Variants in MYRIP observed in about 807,000 individuals in gnomAD.
MYRIP encodes rab effector MyRIP.
A neutral mutation model predicts 98.0 loss-of-function variants in MYRIP; 49 were observed. The ratio of observed to expected loss-of-function variants is 0.50; its 90% CI spans 0.40 to 0.63. MYRIP has a LOEUF of 0.63. Ranked by LOEUF, MYRIP falls within the 30% of genes least tolerant of loss-of-function variation. The pLI is 0.00. For missense variants in MYRIP, 1,004 were observed against 1,058.2 expected (o/e 0.95, Z 0.71); for synonymous variants, 404 against 409.5 (o/e 0.99, Z 0.16).
chr3:40,056,244 C>G (rs974759533), intron 3 of MYRIP, among the ~76,000 whole-genome samples: 1 of 152,194 alleles, frequency 6.6e-6, no homozygotes, highest in Non-Finnish European at 1.5e-5. Context: ...CCACACATAT[C>G]TTGTGATTCA....
chr3:39,817,999 T>C (rs1009424714), intron 1 of MYRIP, among the ~76,000 whole-genome samples: 2 of 152,198 alleles, frequency 1.3e-5, no homozygotes, highest in Non-Finnish European at 2.9e-5. Flanking sequence ...TTAAAAAACT[T>C]AACAACACAT....
At chr3:39,822,909 A>C (rs1209526962) in intron 1 of MYRIP, among the ~76,000 whole-genome samples, 5 of 148,502 alleles carry the variant, frequency 3.4e-5, no homozygotes, top group Admixed American at 3.4e-4. Flanking sequence ...CCTGGTGTAT[A>C]TATACACCTC....
intron 12 of MYRIP, among the ~76,000 whole-genome samples, chr3:40,242,876 G>A (rs1431642820): frequency 6.6e-6 from 1 of 151,788 alleles, no homozygotes; most frequent in Non-Finnish European, 1.5e-5. Flanking sequence ...CTAAAGGGAA[G>A]TTTTTCAACT....
intron 2 of MYRIP, among the ~76,000 whole-genome samples, chr3:39,947,122 A>C (rs1055003907): frequency 6.6e-6 from 1 of 152,216 alleles, no homozygotes; most frequent in African/African-American, 2.4e-5. Context: ...GCAAATGCTT[A>C]GCTGGAGATA....
At chr3:40,195,860 A>G (rs1163390242) in intron 10 of MYRIP, among the ~76,000 whole-genome samples, 1 of 152,038 alleles carries the variant, frequency 6.6e-6, no homozygotes, top group Middle Eastern at 3.2e-3. Context: ...AGTTTGGGAG[A>G]ATTCACCTTT....
chr3:40,138,611 T>A (rs1347731852), intron 3 of MYRIP, among the ~76,000 whole-genome samples: 1 of 152,224 alleles, frequency 6.6e-6, no homozygotes, highest in Non-Finnish European at 1.5e-5. Flanking sequence ...AGATACTTAA[T>A]GTTTCCCCTT....
intron 2 of MYRIP, among the ~76,000 whole-genome samples, chr3:39,969,202 T>G (rs1412320831): frequency 6.6e-6 from 1 of 152,194 alleles, no homozygotes; most frequent in East Asian, 1.9e-4. Context: ...CTGAAGTTGT[T>G]TATTGGCTGG....
At chr3:39,808,928 GC>G (rs1559481423), upstream of MYRIP, 1 of 152,228 alleles carries the variant, frequency 6.6e-6, no homozygotes, top group East Asian at 1.9e-4. Flanking sequence ...CGGCGGTTCC[GC>G]AGCTGTGTTT....
chr3:39,934,019 T>G (rs1021758773), intron 2 of MYRIP, among the ~76,000 whole-genome samples: 10 of 152,198 alleles, frequency 6.6e-5, no homozygotes, highest in Admixed American at 6.5e-4. Context: ...TTAGACCTGT[T>G]GAATCAGAAA....
intron 2 of MYRIP, among the ~76,000 whole-genome samples, chr3:39,990,346 G>A (rs1946143275): frequency 6.6e-6 from 1 of 152,182 alleles, no homozygotes; most frequent in Non-Finnish European, 1.5e-5. Flanking sequence ...GGATACCTCA[G>A]TTGCTGGTGC....
intron 1 of MYRIP, among the ~76,000 whole-genome samples, chr3:39,814,314 GA>G (rs1449563394): frequency 6.6e-6 from 1 of 152,108 alleles, no homozygotes; most frequent in Non-Finnish European, 1.5e-5. Flanking sequence ...GAGAAGCTTG[GA>G]ATGTATTTTA....
At position 40,167,232 on chromosome 3, in the gene MYRIP, T is replaced by C; in HGVS notation, c.722T>C (p.Leu241Pro). The C allele has an allele frequency of 6.2e-7, 1 of 1,614,142 alleles. No homozygotes were observed. The highest frequency in any genetic ancestry group is 8.5e-7 in the Non-Finnish European group (1 of 1,180,014). Residue 241 changes from leucine to proline, a missense_variant, in exon 7 of 17, where the codon CTG (leucine) becomes CCG (proline). Coordinates refer to ENST00000302541, the MANE Select transcript of MYRIP (RefSeq NM_015460.4). ...ELTEELATTI[L>P]QKIIRKQKSK... Reference sequence around the variant, plus strand: ...ACTGAGGAACTGGCCACGACAATCCTGCAGAAGGTAGGTGGGTCCTGGCAG... The same window carrying C: ...ACTGAGGAACTGGCCACGACAATCCCGCAGAAGGTAGGTGGGTCCTGGCAG...
At chr3:39,984,447 A>C (rs1161935998) in intron 2 of MYRIP, among the ~76,000 whole-genome samples, 1 of 151,924 alleles carries the variant, frequency 6.6e-6, no homozygotes, top group African/African-American at 2.4e-5. Flanking sequence ...TCATTGTTCA[A>C]TTCCCACCTA....
chr3:40,134,664 G>A (rs1157651489), intron 3 of MYRIP, among the ~76,000 whole-genome samples: 5 of 152,166 alleles, frequency 3.3e-5, no homozygotes, highest in Admixed American at 6.5e-5. Context: ...TCACACAGCC[G>A]GGTACTCCTC....
intron 2 of MYRIP, among the ~76,000 whole-genome samples, chr3:39,967,710 A>C (rs1945474184): frequency 6.6e-6 from 1 of 152,166 alleles, no homozygotes; most frequent in African/African-American, 2.4e-5. Flanking sequence ...ACAGTGTATA[A>C]GTGTTCCCAT....
chr3:39,963,480 C>T (rs1028251024), intron 2 of MYRIP, among the ~76,000 whole-genome samples: 1 of 152,086 alleles, frequency 6.6e-6, no homozygotes, highest in Non-Finnish European at 1.5e-5. Context: ...ATTGCATGTC[C>T]TACAGTGTGC....
intron 2 of MYRIP, among the ~76,000 whole-genome samples, chr3:39,919,321 G>C (rs1164579235): frequency 6.6e-6 from 1 of 152,172 alleles, no homozygotes; most frequent in Non-Finnish European, 1.5e-5. Context: ...AAAGCCCAAG[G>C]CTCAGGCAAG....
At chr3:40,064,862 G>A (rs1948094716) in intron 3 of MYRIP, among the ~76,000 whole-genome samples, 1 of 152,198 alleles carries the variant, frequency 6.6e-6, no homozygotes, top group South Asian at 2.1e-4. Flanking sequence ...CATAGTGTGT[G>A]TGTCAAAGGA....
At chr3:40,212,187 TGTATATACATATATATAC>T (rs1384001051) in intron 11 of MYRIP, among the ~76,000 whole-genome samples, 1,085 of 56,296 alleles carry the variant, frequency 0.019, 125 homozygotes, top group African/African-American at 0.044. Context: ...TACGTGTATG[TGTATATACATATATATAC>T]GTGTGTGTAT....
Sources: gnomAD v4.1 joint callset for allele counts (sites outside exome capture counted in the v4.1 genomes callset) on GRCh38, gnomAD v4.1.1 for gene constraint, MANE v1.5 for transcripts, NCBI Gene and HGNC (gene_info 2026-07-23, HGNC 2026-07-21) for gene names.